NSUN7: variants seen among roughly 807,000 people sequenced by gnomAD.
The protein encoded by NSUN7 is protein NSUN7.
Under a neutral mutation model 58.5 loss-of-function variants are expected in NSUN7, and 39 were observed. That is an observed-to-expected ratio of 0.67 (90% confidence interval 0.52 to 0.87). The LOEUF (loss-of-function observed/expected upper bound fraction) is 0.87. Among genes scored for constraint, NSUN7 ranks in the 40% least tolerant of loss-of-function variants. NSUN7 has a pLI of 0.00. For synonymous variants in NSUN7, 278 were observed against 303.7 expected (o/e 0.92, Z 0.88); for missense variants, 765 against 844.1 (o/e 0.91, Z 1.16).
intron 9 of NSUN7, among the ~76,000 whole-genome samples, chr4:40,798,417 C>T (rs1414558703): frequency 6.6e-6 from 1 of 152,224 alleles, no homozygotes; most frequent in Middle Eastern, 3.2e-3. Flanking sequence ...TGGGATTCAC[C>T]TCTAAGTCTG....
chr4:40,774,486 T>C, intron 5 of NSUN7, 69 bp downstream of exon 5: 1 of 1,499,676 alleles, frequency 6.7e-7, no homozygotes, highest in Non-Finnish European at 9.2e-7. Context: ...ATGAGAAGCA[T>C]TACCTTTTTA....
chr4:40,786,386 G>A, intron 7 of NSUN7: 1 of 1,612,014 alleles, frequency 6.2e-7, no homozygotes, highest in Non-Finnish European at 8.5e-7. Flanking sequence ...TATACCAGAT[G>A]CACAGATGGC....
Position 40,753,718 on chromosome 4 carries a change from C to T in NSUN7, c.298+2727C>T, listed in dbSNP as rs183143840. Among the ~76,000 whole-genome samples, 583 of 152,042 alleles carry T rather than the reference C, an allele frequency of 3.8e-3. 6 individuals are homozygous for T. The highest frequency in any genetic ancestry group is 0.013 in the African/African-American group (545 of 41,456). On this transcript the variant is annotated intron_variant, in intron 2 of 11. Transcript: ENST00000381782. ...ACGTTGATATGGTTTGGCTGTGTCC[C>T]CACCCAAATCTCATCTTGAATTCCC...
chr4:40,809,360 T>C lies in NSUN7; in HGVS notation c.*421T>C, dbSNP rs1005607650. 1 of 156,816 alleles carries C rather than the reference T, an allele frequency of 6.4e-6. No individual in the cohort carries two copies. The highest frequency in any genetic ancestry group is 1.4e-5 in the Non-Finnish European group (1 of 71,388). The allele number at this position is 156,816 out of a possible 1,614,324, so 9.7% of individuals were successfully genotyped here. On this transcript the variant is annotated 3_prime_UTR_variant, in exon 12 of 12. Coordinates refer to ENST00000381782, the MANE Select transcript of NSUN7 (RefSeq NM_024677.6). Reference sequence around the variant, plus strand: ...CCAGCTGACCGCTCTTCAGCATCCATGCGGTTGTAGTCGTGACTTTCTCAG... The same window carrying C: ...CCAGCTGACCGCTCTTCAGCATCCACGCGGTTGTAGTCGTGACTTTCTCAG...
At position 40,808,697 on chromosome 4, in the gene NSUN7, C is replaced by T. The variant is rs1744003509; in HGVS notation, c.1915C>T (p.Pro639Ser). Residue 639 changes from proline (P) to serine (S), a missense_variant, in exon 12 of 12, where the codon CCA becomes TCA. Physicochemically the swap from Pro to Ser is moderately conservative, Grantham distance 74. Transcript: ENST00000381782. Reference sequence around the variant, plus strand: ...GCAGACACACTTCTTAAGACCTCGGCCAGAAGACAGAATGGTTGCTCTGAA... The same window carrying T: ...GCAGACACACTTCTTAAGACCTCGGTCAGAAGACAGAATGGTTGCTCTGAA... Reference protein sequence around the residue: ...ERQTHFLRPRPEDRMVALKPI... With the variant: ...ERQTHFLRPRSEDRMVALKPI... 6.4e-7 allele frequency: 1 copy of T among 1,551,306 alleles called. No homozygotes were observed. Among genetic ancestry groups the T allele is most frequent in the African/African-American group, 1.4e-5 (1 of 72,756 alleles).
Position 40,774,796 on chromosome 4 carries a change from G to C in NSUN7, c.671G>C (p.Arg224Thr), listed in dbSNP as rs762847308. Reference sequence around the variant, plus strand: ...GAAGAAGTTTATAATAATTTGAAGAGAAGAGGCTATAATAAAGTCAAATCT... The same window carrying C: ...GAAGAAGTTTATAATAATTTGAAGACAAGAGGCTATAATAAAGTCAAATCT... ...SPEEVYNNLK[R>T]RGYNKVKSVL... The change falls in exon 6 of 12, where the codon AGA becomes ACA. Residue 224 changes from arginine (R) to threonine (T), a missense_variant. Coordinates refer to ENST00000381782, the MANE Select transcript of NSUN7 (RefSeq NM_024677.6). 1 of 1,547,852 alleles carries C rather than the reference G, an allele frequency of 6.5e-7. No homozygotes were observed. Among genetic ancestry groups the C allele is most frequent in the South Asian group, 1.2e-5 (1 of 85,110 alleles).
intron 10 of NSUN7, 109 bp from the exon 11 acceptor site, chr4:40,806,952 T>C (rs1261037165): frequency 8.7e-7 from 1 of 1,154,088 alleles, no homozygotes; most frequent in Admixed American, 3.0e-5. Context: ...AATTTCTGTT[T>C]AAACGATTGG....
At chr4:40,761,337 A>G (rs571126166) in intron 4 of NSUN7, 36 bp downstream of exon 4, 20 of 1,547,874 alleles carry the variant, frequency 1.3e-5, no homozygotes, top group African/African-American at 8.3e-5. Context: ...TTTATATGAA[A>G]CCTACATTGG....
intron 2 of NSUN7, among the ~76,000 whole-genome samples, chr4:40,754,693 C>G (rs1741052713): frequency 6.6e-6 from 1 of 151,994 alleles, no homozygotes. Flanking sequence ...AGTAATGGTC[C>G]CTTTTGTTTG....
intron 2 of NSUN7, among the ~76,000 whole-genome samples, chr4:40,754,807 A>G (rs1200564939): frequency 6.6e-6 from 1 of 152,224 alleles, no homozygotes; most frequent in African/African-American, 2.4e-5. Flanking sequence ...TGTTAACTGT[A>G]TTCCTTTGGT....
chr4:40,786,221 T>C (rs1742814714), intron 7 of NSUN7: 2 of 1,614,036 alleles, frequency 1.2e-6, no homozygotes, highest in Non-Finnish European at 1.7e-6. Context: ...ACAACTGTCT[T>C]ATACAGGCTG....
intron 7 of NSUN7, among the ~76,000 whole-genome samples, chr4:40,783,751 G>A (rs891600590): frequency 2.0e-5 from 3 of 152,156 alleles, no homozygotes; most frequent in South Asian, 2.1e-4. Context: ...AGGAGGCTGA[G>A]GCAGGAGAAT....
chr4:40,757,669 T>A (rs1466096129), intron 2 of NSUN7, among the ~76,000 whole-genome samples: 11 of 145,208 alleles, frequency 7.6e-5, no homozygotes, highest in South Asian at 2.1e-4. Context: ...ATATATACAT[T>A]GTGTGTATAT....
intron 2 of NSUN7, among the ~76,000 whole-genome samples, chr4:40,754,397 G>C (rs1055481825): frequency 6.6e-6 from 1 of 151,908 alleles, no homozygotes; most frequent in African/African-American, 2.4e-5. Context: ...ATCTGCCCAC[G>C]TTGGCCTCCC....
At chr4:40,786,841 T>C (rs1742847637) in intron 7 of NSUN7, 1 of 936,138 alleles carries the variant, frequency 1.1e-6, no homozygotes, top group Non-Finnish European at 1.6e-6. Flanking sequence ...CTTTGTTTTG[T>C]TGAACAATCA....
chr4:40,774,813 G>C lies in NSUN7; in HGVS notation c.688G>C (p.Val230Leu), dbSNP rs760093352. ...NNLKRRGYNKVKSVLHIDDKV... is the reference protein window; with the variant it reads ...NNLKRRGYNKLKSVLHIDDKV... Reference sequence around the variant, plus strand: ...TTTGAAGAGAAGAGGCTATAATAAAGTCAAATCTGTATTGCATATTGATGA... The same window carrying C: ...TTTGAAGAGAAGAGGCTATAATAAACTCAAATCTGTATTGCATATTGATGA... Residue 230 changes from valine to leucine, a missense_variant, in exon 6 of 12, where the codon GTC becomes CTC. By Grantham distance (32) the Val-to-Leu change is conservative. Transcript: ENST00000381782. 6.4e-7 allele frequency: 1 copy of C among 1,560,384 alleles called. No homozygotes were observed. The highest frequency in any genetic ancestry group is 1.7e-5 in the Admixed American group (1 of 57,862).
intron 9 of NSUN7, among the ~76,000 whole-genome samples, chr4:40,796,625 A>G (rs941266720): frequency 7.2e-5 from 11 of 152,162 alleles, no homozygotes; most frequent in Admixed American, 4.6e-4. Flanking sequence ...GCAAGACCCC[A>G]TCTATTAAAA....
chr4:40,807,395 C>G (rs1423099176), intron 11 of NSUN7, among the ~76,000 whole-genome samples: 1 of 147,654 alleles, frequency 6.8e-6, no homozygotes, highest in Non-Finnish European at 1.5e-5. Context: ...GTAGCCCAGG[C>G]TGGAGTGCAG....
At chr4:40,764,931 GT>G (rs1741643202) in intron 4 of NSUN7, among the ~76,000 whole-genome samples, 1 of 151,224 alleles carries the variant, frequency 6.6e-6, no homozygotes, top group African/African-American at 2.4e-5. Flanking sequence ...GGGGTTGTTT[GT>G]TTTTTTCTTG....
Sources: allele counts gnomAD v4.1 joint callset (sites outside exome capture counted in the v4.1 genomes callset), GRCh38; gene constraint gnomAD v4.1.1; transcripts MANE v1.5; gene names NCBI Gene and HGNC (gene_info 2026-07-23, HGNC 2026-07-21).